The following LONP1 variants were observed in gnomAD, a reference collection of about 807,000 sequenced individuals.
LONP1 encodes the protein lon protease homolog, mitochondrial.
A neutral mutation model predicts 98.5 loss-of-function variants in LONP1; 31 were observed. The observed-to-expected ratio is 0.31, with a 90% confidence interval of 0.24 to 0.42. LONP1 has a LOEUF of 0.42. Among genes scored for constraint, LONP1 ranks in the 20% least tolerant of loss-of-function variants. The pLI is 1.00. For synonymous variants in LONP1, 781 were observed against 594.7 expected (o/e 1.31, Z -4.56); for missense variants, 1,336 against 1,350.6 (o/e 0.99, Z 0.17).
intron 10 of LONP1, among the ~76,000 whole-genome samples, chr19:5,697,580 GAAGA>G (rs1299307036): frequency 8.1e-6 from 1 of 123,134 alleles, no homozygotes. Flanking sequence ...GGAGGGGGAG[GAAGA>G]AGAGAGGGAG....
At chr19:5,716,925 C>G (rs2055333916) in intron 1 of LONP1, among the ~76,000 whole-genome samples, 1 of 152,068 alleles carries the variant, frequency 6.6e-6, no homozygotes, top group African/African-American at 2.4e-5. Flanking sequence ...TCCCGAGTAG[C>G]TGGGACTACG....
chr19:5,696,321 C>T lies in LONP1; in HGVS notation c.1824G>A (p.Leu608=). The change falls in exon 12 of 18, where the codon CTG becomes CTA. Residue 608 remains leucine (L), a synonymous_variant. Coordinates refer to ENST00000360614, the MANE Select transcript of LONP1 (RefSeq NM_004793.4). The part of the protein sequence containing the change: ...GYQGDPSSAL[L]ELLDPEQNAN... The stretch of plus-strand genomic sequence containing the variant: ...CATTCTGCTCTGGGTCCAGCAGCTC[C>T]AGCAGTGCCGACGACGGGTCCCCCT... 2 of 1,613,398 alleles carry T rather than the reference C, an allele frequency of 1.2e-6. No homozygotes were observed. Among genetic ancestry groups the T allele is most frequent in the Non-Finnish European group, 1.7e-6 (2 of 1,179,902 alleles).
intron 9 of LONP1, among the ~76,000 whole-genome samples, chr19:5,699,460 G>A (rs1363436468): frequency 6.6e-6 from 1 of 151,998 alleles, no homozygotes; most frequent in Non-Finnish European, 1.5e-5. Flanking sequence ...GCAGTGCCAG[G>A]CCCGTTCAGC....
At chr19:5,697,110 G>A (rs910040012) in intron 10 of LONP1, among the ~76,000 whole-genome samples, 5 of 152,186 alleles carry the variant, frequency 3.3e-5, no homozygotes, top group African/African-American at 7.2e-5. Flanking sequence ...GGGCTGGGGT[G>A]ATACTAGCCA....
At chr19:5,692,526 G>A (rs2054845238) in intron 17 of LONP1, among the ~76,000 whole-genome samples, 2 of 152,182 alleles carry the variant, frequency 1.3e-5, no homozygotes, top group African/African-American at 4.8e-5. Context: ...CACATCCAGA[G>A]GTCAGGCAGT....
rs753490076 is a variant in LONP1 at position 5,720,067 on chromosome 19, C to A, written c.66G>T (p.Pro22=). 6.5e-6 allele frequency: 10 copies of A among 1,529,406 alleles called. No homozygotes were observed. In the Admixed American group the frequency reaches 8.2e-5, roughly 13 times the overall value. The allele number at this position is 1,529,406 out of a possible 1,614,324, so 94.7% of individuals were successfully genotyped here. A position where few individuals can be genotyped will look rare whatever the true frequency, so the allele number is the denominator to read the frequency against. ...CCCGCCCCCCGGCGGCGGCCAGCAT[C>A]GGCCGCCGCAGCACCCAGCACCGCG... ...GAARCWVLRR[P]MLAAAGGRVP... is the part of the protein sequence containing the mutation. The change falls in exon 1 of 18, where the codon CCG becomes CCT. Residue 22 remains proline (P), a synonymous_variant. Coordinates refer to ENST00000360614, the MANE Select transcript of LONP1 (RefSeq NM_004793.4).
intron 10 of LONP1, among the ~76,000 whole-genome samples, chr19:5,697,624 G>A (rs2054962663): frequency 6.6e-6 from 1 of 151,198 alleles, no homozygotes; most frequent in Admixed American, 6.6e-5. Context: ...AGGTCATGCG[G>A]GGTCCTGTGG....
intron 10 of LONP1, among the ~76,000 whole-genome samples, chr19:5,698,622 G>C (rs1480117162): frequency 6.6e-6 from 1 of 152,214 alleles, no homozygotes; most frequent in Admixed American, 6.5e-5. Flanking sequence ...CAGCCCACAG[G>C]CTTCGGGGTG....
Position 5,708,413 on chromosome 19 carries a change from A to G in LONP1, c.871-10T>C, listed in dbSNP as rs1350712524. On this transcript the variant is annotated splice_polypyrimidine_tract_variant and intron_variant, in intron 4 of 17. Transcript: ENST00000360614. Reference sequence around the variant, plus strand: ...TCTCTGCAGTCAGGGCCTGCCAAGTATGGGGCAGGGTCGCTGGGGCCCAGC... The same window carrying G: ...TCTCTGCAGTCAGGGCCTGCCAAGTGTGGGGCAGGGTCGCTGGGGCCCAGC... 3.6e-6 allele frequency: 5 copies of G among 1,384,970 alleles called. No individual in the cohort carries two copies. The highest frequency in any genetic ancestry group is 4.8e-6 in the Non-Finnish European group (5 of 1,039,484). The allele number at this position is 1,384,970 out of a possible 1,614,324, so 85.8% of individuals were successfully genotyped here.
At chr19:5,705,540 C>T (rs1023910751) in intron 8 of LONP1, among the ~76,000 whole-genome samples, 3 of 151,946 alleles carry the variant, frequency 2.0e-5, no homozygotes, top group Non-Finnish European at 4.4e-5. Flanking sequence ...TGCCAATTCA[C>T]AGGCCCTGGC....
rs756426231 is a variant in LONP1, at chr19:5,711,864, C to T, written c.777G>A (p.Ala259=). 1.2e-5 allele frequency: 19 copies of T among 1,612,702 alleles called. No individual in the cohort carries two copies. Among genetic ancestry groups the T allele is most frequent in the Admixed American group, 3.3e-5 (2 of 60,012 alleles). Residue 259 remains alanine, a synonymous_variant, in exon 4 of 18, where the codon GCG becomes GCA. Coordinates refer to ENST00000360614, the MANE Select transcript of LONP1 (RefSeq NM_004793.4). ...ELSARHPAEL[A]MEPTPELPAE... ...CCGGGAGCTCAGGGGTGGGCTCCAT[C>T]GCCAGCTCCGCCGGGTGCCTGGCGC...
intron 2 of LONP1, among the ~76,000 whole-genome samples, 183 bp from the exon 3 acceptor site, chr19:5,713,436 G>A (rs1198231406): frequency 6.6e-6 from 1 of 152,208 alleles, no homozygotes; most frequent in African/African-American, 2.4e-5. Flanking sequence ...CCAGGCCAGG[G>A]CTGCCCCAGT....
chr19:5,697,374 A>G (rs1025349776), intron 10 of LONP1, among the ~76,000 whole-genome samples: 20 of 151,566 alleles, frequency 1.3e-4, no homozygotes, highest in African/African-American at 4.6e-4. Context: ...GCACGTGAGG[A>G]GAGAGCCACG....
intron 4 of LONP1, among the ~76,000 whole-genome samples, chr19:5,709,601 C>T (rs983039445): frequency 1.3e-5 from 2 of 151,952 alleles, no homozygotes; most frequent in African/African-American, 2.4e-5. Flanking sequence ...ACTGGAGGTC[C>T]GGGGCACTTG....
intron 8 of LONP1, among the ~76,000 whole-genome samples, chr19:5,704,210 C>T (rs1386305606): frequency 6.6e-6 from 1 of 152,234 alleles, no homozygotes; most frequent in East Asian, 1.9e-4. Context: ...ATGCGGGCGC[C>T]TCCAGATACT....
intron 9 of LONP1, among the ~76,000 whole-genome samples, chr19:5,700,259 A>G (rs1034521742): frequency 6.6e-6 from 1 of 152,166 alleles, no homozygotes; most frequent in Non-Finnish European, 1.5e-5. Flanking sequence ...GATTACAGGC[A>G]TGCGCCACCA....
In LONP1 at chr19:5,694,818, G is replaced by A. The variant is rs2054896888; in HGVS notation, c.2097C>T (p.Leu699=). 2.5e-6 allele frequency: 4 copies of A among 1,600,748 alleles called. No individual in the cohort carries two copies. The South Asian group carries it at 4.4e-5, about 18-fold the overall frequency. Reference sequence around the variant, plus strand: ...CGCTCTCGCGGCAGTACTGCTTGATGAGCAGCGTCAGCACGTCCGATGACA... The same window carrying A: ...CGCTCTCGCGGCAGTACTGCTTGATAAGCAGCGTCAGCACGTCCGATGACA... ...AKLSSDVLTL[L]IKQYCRESGV... The change falls in exon 14 of 18, where the codon CTC becomes CTT. Residue 699 remains leucine, a synonymous_variant. Transcript: ENST00000360614.
intron 4 of LONP1, among the ~76,000 whole-genome samples, chr19:5,709,488 G>A (rs890262491): frequency 2.0e-5 from 3 of 151,756 alleles, no homozygotes; most frequent in Non-Finnish European, 4.4e-5. Flanking sequence ...GTGACAGGGT[G>A]AGACTCTGTC....
chr19:5,720,246 G>T, upstream of LONP1: 1 of 1,336,562 alleles, frequency 7.5e-7, no homozygotes, highest in Non-Finnish European at 9.7e-7. Context: ...CGAAACAGCC[G>T]CTTCAGGGAG....
Sources: gnomAD v4.1 joint callset for allele counts (sites outside exome capture counted in the v4.1 genomes callset) on GRCh38, gnomAD v4.1.1 for gene constraint, MANE v1.5 for transcripts, NCBI Gene and HGNC (gene_info 2026-07-23, HGNC 2026-07-21) for gene names.